Variants in GNG12 observed in about 807,000 individuals in gnomAD.
GNG12 encodes G protein subunit gamma 12.
For missense variants in GNG12, 69 were observed against 83.8 expected, an observed-to-expected ratio of 0.82 and a Z score of 0.69; for synonymous variants, 28 against 29.7, an observed-to-expected ratio of 0.94 and a Z score of 0.19.
intron 1 of GNG12, among the ~76,000 whole-genome samples, chr1:67,778,720 G>A (rs1646720512): frequency 6.6e-6 from 1 of 152,132 alleles, no homozygotes; most frequent in African/African-American, 2.4e-5. Flanking sequence ...TGACAGGGAT[G>A]GGATTCAAAT....
chr1:67,786,925 T>TTATA (rs371809712), intron 1 of GNG12, among the ~76,000 whole-genome samples: 972 of 75,684 alleles, frequency 0.013, 20 homozygotes, highest in African/African-American at 0.028. Flanking sequence ...TAACAGAGAC[T>TTATA]TATATATATA....
chr1:67,753,128 C>T (rs1366057717), intron 2 of GNG12, among the ~76,000 whole-genome samples: 2 of 152,196 alleles, frequency 1.3e-5, no homozygotes, highest in African/African-American at 2.4e-5. Flanking sequence ...GCACATGGAA[C>T]ACTGCTGAAT....
At chr1:67,750,594 G>T (rs888399872) in intron 2 of GNG12, among the ~76,000 whole-genome samples, 1 of 152,172 alleles carries the variant, frequency 6.6e-6, no homozygotes, top group Non-Finnish European at 1.5e-5. Flanking sequence ...ATCAGTAGGT[G>T]ATCATTTTAT....
At chr1:67,748,781 A>C (rs1646521285) in intron 2 of GNG12, among the ~76,000 whole-genome samples, 1 of 152,192 alleles carries the variant, frequency 6.6e-6, no homozygotes, top group South Asian at 2.1e-4. Flanking sequence ...GCAGAGTGCT[A>C]ATCATTAACA....
At chr1:67,810,337 G>A (rs944451619) in intron 1 of GNG12, among the ~76,000 whole-genome samples, 4 of 152,166 alleles carry the variant, frequency 2.6e-5, no homozygotes, top group African/African-American at 7.2e-5. Flanking sequence ...GTGAATACAT[G>A]TCATCATGTA....
At chr1:67,764,908 T>C (rs986422568) in intron 2 of GNG12, among the ~76,000 whole-genome samples, 3 of 152,204 alleles carry the variant, frequency 2.0e-5, no homozygotes, top group Non-Finnish European at 2.9e-5. Context: ...GTCCAGGAAC[T>C]AGACCTGGGA....
At chr1:67,746,940 T>C (rs1268309249) in intron 2 of GNG12, among the ~76,000 whole-genome samples, 1 of 152,094 alleles carries the variant, frequency 6.6e-6, no homozygotes, top group Non-Finnish European at 1.5e-5. Flanking sequence ...GTGTGTGTTT[T>C]TTTTTTCTTT....
intron 2 of GNG12, among the ~76,000 whole-genome samples, chr1:67,775,982 T>G (rs17130263): frequency 0.084 from 12,784 of 151,718 alleles, 668 homozygotes; most frequent in African/African-American, 0.12. Context: ...GGCCAGAAAA[T>G]GAGTGGAGAA....
chr1:67,793,726 C>A (rs904873328), intron 1 of GNG12, among the ~76,000 whole-genome samples: 2 of 152,196 alleles, frequency 1.3e-5, no homozygotes, highest in Non-Finnish European at 2.9e-5. Flanking sequence ...GAATGACCCC[C>A]AAATTCCTGC....
intron 2 of GNG12, among the ~76,000 whole-genome samples, chr1:67,767,357 T>C (rs1228059100): frequency 1.3e-5 from 2 of 152,174 alleles, no homozygotes; most frequent in Non-Finnish European, 2.9e-5. Flanking sequence ...GTCCATTGCC[T>C]GGAGACAGAT....
In GNG12 at chr1:67,703,158, C is replaced by T. The variant is rs770504267; in HGVS notation, c.*2293G>A. The T allele has an allele frequency of 1.3e-5, 2 of 152,098 alleles. No individual in the cohort carries two copies. Among genetic ancestry groups the T allele is most frequent in the African/African-American group, 4.8e-5 (2 of 41,384 alleles). The allele number at this position is 152,098 out of a possible 1,614,324, so 9.4% of individuals were successfully genotyped here. On this transcript the variant is annotated 3_prime_UTR_variant, in exon 4 of 4. Coordinates refer to ENST00000370982, the MANE Select transcript of GNG12 (RefSeq NM_018841.6). ...AAGATTTGATATTCATGAACATGCC[C>T]TACACCTGGTTAGGAAGTTATGTAT...
intron 2 of GNG12, chr1:67,772,544 C>T (rs1646680781): frequency 6.6e-6 from 1 of 152,158 alleles, no homozygotes; most frequent in South Asian, 2.1e-4. Flanking sequence ...GGTACCAACA[C>T]CTCTCCTTTT....
At chr1:67,738,213 T>C (rs1025997613) in intron 2 of GNG12, among the ~76,000 whole-genome samples, 3 of 152,212 alleles carry the variant, frequency 2.0e-5, no homozygotes, top group Admixed American at 2.0e-4. Flanking sequence ...TATGCACCAC[T>C]GTGCCCAGCC....
At chr1:67,737,868 A>G (rs1646461323) in intron 2 of GNG12, among the ~76,000 whole-genome samples, 1 of 151,996 alleles carries the variant, frequency 6.6e-6, no homozygotes, top group Admixed American at 6.6e-5. Context: ...CACTCCCCTT[A>G]CCATTCCTTG....
chr1:67,781,804 T>C (rs777921006), intron 1 of GNG12, among the ~76,000 whole-genome samples: 1 of 152,106 alleles, frequency 6.6e-6, no homozygotes. Flanking sequence ...TGGTCAATGA[T>C]GGTTTCATTT....
intron 1 of GNG12, among the ~76,000 whole-genome samples, chr1:67,817,580 C>T (rs1313532639): frequency 6.6e-6 from 1 of 152,046 alleles, no homozygotes; most frequent in African/African-American, 2.4e-5. Flanking sequence ...CGGCACACCC[C>T]TCCTCTGTGC....
chr1:67,830,714 T>C (rs1647038604), intron 1 of GNG12, among the ~76,000 whole-genome samples: 1 of 152,260 alleles, frequency 6.6e-6, no homozygotes, highest in Non-Finnish European at 1.5e-5. Context: ...TTAAAACTAT[T>C]AATCCTTTAA....
chr1:67,766,147 CA>C (rs1425118964), intron 2 of GNG12, among the ~76,000 whole-genome samples: 37 of 134,416 alleles, frequency 2.8e-4, no homozygotes, highest in East Asian at 1.1e-3. Context: ...CACACACACA[CA>C]CCCCTAAACA....
chr1:67,723,495 G>A (rs1243680961), intron 2 of GNG12, among the ~76,000 whole-genome samples: 1 of 152,196 alleles, frequency 6.6e-6, no homozygotes, highest in Non-Finnish European at 1.5e-5. Flanking sequence ...ATGAATTTTA[G>A]GGGATTTTTA....
Sources: allele counts gnomAD v4.1 joint callset (sites outside exome capture counted in the v4.1 genomes callset), GRCh38; gene constraint gnomAD v4.1.1; transcripts MANE v1.5; gene names NCBI Gene and HGNC (gene_info 2026-07-23, HGNC 2026-07-21).